The following PPP3CA variants were observed in gnomAD, a reference collection of about 807,000 sequenced individuals.
PPP3CA encodes protein phosphatase 3 catalytic subunit alpha.
A neutral mutation model predicts 66.5 loss-of-function variants in PPP3CA; 14 were observed. The ratio of observed to expected loss-of-function variants is 0.21; its 90% CI spans 0.14 to 0.33. The LOEUF is 0.33. PPP3CA is among the 10% of genes least tolerant of loss of function. The probability of loss-of-function intolerance (pLI) is 1.00; values close to 1 mark genes in which losing one functional copy is unlikely to be tolerated. For synonymous variants in PPP3CA, 232 were observed against 226.2 expected (o/e 1.03, Z -0.23); for missense variants, 317 against 639.5 (o/e 0.50, Z 5.44).
At chr4:101,105,597 A>G (rs1370716477) in intron 3 of PPP3CA, among the ~76,000 whole-genome samples, 2 of 152,208 alleles carry the variant, frequency 1.3e-5, no homozygotes, top group Non-Finnish European at 2.9e-5. Context: ...ACAAACAAAA[A>G]AAGGTAAATA....
intron 8 of PPP3CA, among the ~76,000 whole-genome samples, chr4:101,068,903 T>G (rs1172297674): frequency 2.6e-5 from 4 of 152,304 alleles, no homozygotes; most frequent in Admixed American, 2.6e-4. Context: ...GAAGATAGAC[T>G]TCAAGCCTTA....
chr4:101,037,594 T>TA (rs1203649166), intron 11 of PPP3CA, among the ~76,000 whole-genome samples: 1 of 152,088 alleles, frequency 6.6e-6, no homozygotes, highest in African/African-American at 2.4e-5. Flanking sequence ...TTTTTTTTTT[T>TA]AATTTACATT....
chr4:101,331,297 T>C (rs1467289742), intron 1 of PPP3CA, among the ~76,000 whole-genome samples: 1 of 152,306 alleles, frequency 6.6e-6, no homozygotes. Flanking sequence ...ATGCAAGGCA[T>C]GGATATTAAT....
At chr4:101,245,491 G>A (rs1440911894) in intron 1 of PPP3CA, among the ~76,000 whole-genome samples, 3 of 152,070 alleles carry the variant, frequency 2.0e-5, no homozygotes, top group Admixed American at 1.3e-4. Flanking sequence ...TTTGAAAAGG[G>A]TCTTGAATTT....
At chr4:101,126,954 G>GT (rs1168738009) in intron 2 of PPP3CA, among the ~76,000 whole-genome samples, 1 of 152,084 alleles carries the variant, frequency 6.6e-6, no homozygotes, top group Non-Finnish European at 1.5e-5. Flanking sequence ...AGTGAACAGG[G>GT]TAAGTGCCAA....
At chr4:101,226,957 G>A (rs936752466) in intron 1 of PPP3CA, among the ~76,000 whole-genome samples, 1 of 151,644 alleles carries the variant, frequency 6.6e-6, no homozygotes, top group Non-Finnish European at 1.5e-5. Context: ...TGATGGACAC[G>A]ACGCAGTACT....
At position 101,308,392 on chromosome 4, in the gene PPP3CA, C is replaced by T. The variant is rs148062462; in HGVS notation, c.58+38347G>A. Among the ~76,000 whole-genome samples the T allele has an allele frequency of 1.0e-3, 156 of 152,220 alleles. 1 individual carries two copies. The highest frequency in any genetic ancestry group is 1.8e-3 in the Non-Finnish European group (122 of 68,008). ...ATACTATATACAATATACTTGGTTA[C>T]AGTTTTATCACAATACCTAGCATAT... On this transcript the variant is annotated intron_variant, in intron 1 of 13. Transcript: ENST00000394854.
At chr4:101,249,743 C>T (rs1726611693) in intron 1 of PPP3CA, among the ~76,000 whole-genome samples, 1 of 152,024 alleles carries the variant, frequency 6.6e-6, no homozygotes, top group Admixed American at 6.6e-5. Flanking sequence ...CAGAAACCAA[C>T]AACATTATAT....
At chr4:101,287,873 A>G (rs1375799467) in intron 1 of PPP3CA, among the ~76,000 whole-genome samples, 2 of 152,078 alleles carry the variant, frequency 1.3e-5, no homozygotes, top group African/African-American at 2.4e-5. Context: ...CTGGTAACTT[A>G]AGTTCTGTGC....
At chr4:101,245,045 A>AT (rs1726433930) in intron 1 of PPP3CA, among the ~76,000 whole-genome samples, 1 of 152,192 alleles carries the variant, frequency 6.6e-6, no homozygotes, top group African/African-American at 2.4e-5. Flanking sequence ...ATCTTGTGAA[A>AT]TTTAATGAGA....
At chr4:101,333,048 G>T (rs1413613371) in intron 1 of PPP3CA, among the ~76,000 whole-genome samples, 1 of 151,274 alleles carries the variant, frequency 6.6e-6, no homozygotes, top group Non-Finnish European at 1.5e-5. Flanking sequence ...CATATACCCT[G>T]CTCACAAATG....
intron 1 of PPP3CA, among the ~76,000 whole-genome samples, chr4:101,230,530 A>C (rs1302145077): frequency 6.6e-6 from 1 of 151,694 alleles, no homozygotes; most frequent in Non-Finnish European, 1.5e-5. Context: ...AAATAAATAA[A>C]TACATAAATA....
intron 1 of PPP3CA, among the ~76,000 whole-genome samples, chr4:101,262,776 T>G (rs894056110): frequency 2.0e-5 from 3 of 152,120 alleles, no homozygotes; most frequent in African/African-American, 7.2e-5. Context: ...GTGTCAAGCT[T>G]ATGTGAGCTC....
chr4:101,179,684 G>C (rs997589244), intron 2 of PPP3CA, among the ~76,000 whole-genome samples: 1 of 152,180 alleles, frequency 6.6e-6, no homozygotes, highest in East Asian at 1.9e-4. Context: ...AATATGCTTC[G>C]TGCAGTACTT....
chr4:101,059,170 A>G (rs1728352931), intron 10 of PPP3CA, among the ~76,000 whole-genome samples: 1 of 152,156 alleles, frequency 6.6e-6, no homozygotes, highest in Non-Finnish European at 1.5e-5. Context: ...CAGTGCTATC[A>G]TTTAAAAGAT....
intron 13 of PPP3CA, among the ~76,000 whole-genome samples, chr4:101,028,731 C>T (rs1230796320): frequency 6.6e-6 from 1 of 152,092 alleles, no homozygotes; most frequent in Non-Finnish European, 1.5e-5. Flanking sequence ...TTTAAATGAA[C>T]ATTTTTTTCC....
rs911403802 is a variant in PPP3CA, at chr4:101,025,087, C to G, written c.*778G>C. 6 of 152,222 alleles carry G rather than the reference C, an allele frequency of 3.9e-5. No individual in the cohort carries two copies. The highest frequency in any genetic ancestry group is 1.5e-4 in the African/African-American group (6 of 41,350). The allele number at this position is 152,222 out of a possible 1,614,324, so 9.4% of individuals were successfully genotyped here. ...GACTTGATTTTATCAACAAAAACCC[C>G]TAAATATAAACGGCAAAAAAGATAG... On this transcript the variant is annotated 3_prime_UTR_variant, in exon 14 of 14. Coordinates refer to ENST00000394854, the MANE Select transcript of PPP3CA (RefSeq NM_000944.5).
intron 1 of PPP3CA, among the ~76,000 whole-genome samples, chr4:101,282,885 T>C (rs1208491478): frequency 6.6e-6 from 1 of 152,216 alleles, no homozygotes; most frequent in Non-Finnish European, 1.5e-5. Flanking sequence ...GAAATCTAAC[T>C]TTGATAAAAT....
At chr4:101,241,163 G>A (rs1726295718) in intron 1 of PPP3CA, among the ~76,000 whole-genome samples, 1 of 152,068 alleles carries the variant, frequency 6.6e-6, no homozygotes, top group Non-Finnish European at 1.5e-5. Flanking sequence ...CAACATGCCT[G>A]GCCAAGATAC....
Sources: allele counts gnomAD v4.1 joint callset (sites outside exome capture counted in the v4.1 genomes callset), GRCh38; gene constraint gnomAD v4.1.1; transcripts MANE v1.5; gene names NCBI Gene and HGNC (gene_info 2026-07-23, HGNC 2026-07-21).